MAP2: variants seen among roughly 807,000 people sequenced by gnomAD.
The protein encoded by MAP2 is microtubule associated protein 2.
Under a neutral mutation model 137.6 loss-of-function variants are expected in MAP2, and 14 were observed. The observed-to-expected ratio is 0.10, with a 90% CI of 0.07 to 0.16. The LOEUF is 0.16. Among genes scored for constraint, MAP2 ranks in the 10% least tolerant of loss-of-function variants. The probability of loss-of-function intolerance (pLI) is 1.00; values close to 1 mark genes in which losing one functional copy is unlikely to be tolerated. For missense variants in MAP2, 2,088 were observed against 2,191.5 expected (o/e 0.95, Z 0.94); for synonymous variants, 786 against 782.3 (o/e 1.00, Z -0.08).
At chr2:209,594,021 G>A (rs1043343799) in intron 3 of MAP2, among the ~76,000 whole-genome samples, 34 of 139,958 alleles carry the variant, frequency 2.4e-4, no homozygotes, top group African/African-American at 8.7e-4. Context: ...GGTGGCTTTC[G>A]CCTGTAGTCC....
chr2:209,451,907 A>G (rs957877777), intron 1 of MAP2, among the ~76,000 whole-genome samples: 1 of 152,228 alleles, frequency 6.6e-6, no homozygotes, highest in Non-Finnish European at 1.5e-5. Context: ...AATAGTCACC[A>G]GTTACCCTTG....
At chr2:209,715,761 C>T (rs1206988165) in intron 13 of MAP2, among the ~76,000 whole-genome samples, 1 of 152,166 alleles carries the variant, frequency 6.6e-6, no homozygotes, top group Non-Finnish European at 1.5e-5. Flanking sequence ...AGAAGCAGGC[C>T]TAACATGTTC....
chr2:209,435,981 CAGTATATATT>C (rs1559159358), intron 1 of MAP2, among the ~76,000 whole-genome samples: 1 of 103,234 alleles, frequency 9.7e-6, no homozygotes, highest in Non-Finnish European at 1.7e-5. Flanking sequence ...ATAATATATA[CAGTATATATT>C]ATATACTATA....
At chr2:209,586,345 G>A (rs769925336) in intron 3 of MAP2, among the ~76,000 whole-genome samples, 66 of 152,024 alleles carry the variant, frequency 4.3e-4, no homozygotes, top group Admixed American at 5.3e-4. Context: ...ATTTGGGCTT[G>A]GCATGCAAAA....
intron 1 of MAP2, among the ~76,000 whole-genome samples, chr2:209,480,976 C>T (rs1708604853): frequency 6.6e-6 from 1 of 152,160 alleles, no homozygotes; most frequent in Admixed American, 6.5e-5. Flanking sequence ...AAGGCTCTTA[C>T]TCCATGGTGA....
chr2:209,579,248 A>G (rs1211232370), intron 2 of MAP2: 2 of 143,244 alleles, frequency 1.4e-5, no homozygotes, highest in Non-Finnish European at 3.0e-5. Context: ...CTGTTTCTCT[A>G]TTTAAGCGGT....
chr2:209,622,331 C>T (rs1011820630), intron 3 of MAP2, among the ~76,000 whole-genome samples: 3 of 152,142 alleles, frequency 2.0e-5, no homozygotes, highest in Non-Finnish European at 2.9e-5. Context: ...TTGTCTCTAG[C>T]CAGAGTTGAA....
intron 12 of MAP2, among the ~76,000 whole-genome samples, chr2:209,707,292 G>A (rs751768175): frequency 4.6e-5 from 7 of 152,068 alleles, no homozygotes; most frequent in Non-Finnish European, 1.0e-4. Context: ...ATGTTTACAG[G>A]CATTTTGCAT....
chr2:209,634,195 A>C (rs939596257), intron 4 of MAP2, among the ~76,000 whole-genome samples: 5 of 152,180 alleles, frequency 3.3e-5, no homozygotes, highest in African/African-American at 1.2e-4. Context: ...TTTGCTGTGC[A>C]GGCAATAAAC....
Position 209,466,564 on chromosome 2 carries a change from A to G in MAP2, c.-221-41028A>G, listed in dbSNP as rs141373181. On this transcript the variant is annotated intron_variant, in intron 1 of 15. Transcript: ENST00000682079. ...ATCAAGTACTTTACATAATCATATC[A>G]TGGCAATAATACCTACCCATTTTTC... is the stretch of plus-strand genomic sequence containing the variant. 3.7e-3 allele frequency among the ~76,000 whole-genome samples: 567 copies of G among 152,308 alleles called. 3 individuals carry two copies. The highest frequency in any genetic ancestry group is 0.013 in the African/African-American group (528 of 41,554).
intron 13 of MAP2, among the ~76,000 whole-genome samples, chr2:209,716,061 G>A (rs868450087): frequency 7.2e-4 from 110 of 152,030 alleles, no homozygotes; most frequent in Admixed American, 2.1e-3. Flanking sequence ...TGATATTGTC[G>A]CAATTGTTAT....
At chr2:209,625,934 G>T (rs1203692352) in intron 4 of MAP2, among the ~76,000 whole-genome samples, 2 of 151,752 alleles carry the variant, frequency 1.3e-5, no homozygotes, top group Non-Finnish European at 2.9e-5. Context: ...TATGATAAAA[G>T]CATAATAAAA....
intron 4 of MAP2, among the ~76,000 whole-genome samples, chr2:209,644,322 G>A (rs1381675975): frequency 1.3e-5 from 2 of 152,054 alleles, no homozygotes; most frequent in Non-Finnish European, 2.9e-5. Context: ...ATTTAGAAAT[G>A]TTTTTACTAG....
chr2:209,722,614 A>G (rs778175575), intron 13 of MAP2, among the ~76,000 whole-genome samples: 4 of 152,168 alleles, frequency 2.6e-5, no homozygotes, highest in Non-Finnish European at 4.4e-5. Context: ...AACACAAATA[A>G]AGCTTTCTTT....
chr2:209,732,765 A>G lies in MAP2; in HGVS notation c.*2368A>G, dbSNP rs1344358251. The stretch of plus-strand genomic sequence containing the variant: ...CAGTTTATTACAAATACATGTCAAA[A>G]ATAAAGATTATACAAGGCACCAAAC... On this transcript the variant is annotated 3_prime_UTR_variant, in exon 16 of 16. Coordinates refer to ENST00000682079, the MANE Select transcript of MAP2 (RefSeq NM_001375505.1). The G allele has an allele frequency of 6.6e-6, 1 of 152,650 alleles. No individual in the cohort carries two copies. The highest frequency in any genetic ancestry group is 6.5e-5 in the Admixed American group (1 of 15,282). 9.5% of individuals were successfully genotyped at this position (152,650 alleles called of 1,614,324 possible).
At chr2:209,622,234 GTACT>G (rs2091371599) in intron 3 of MAP2, among the ~76,000 whole-genome samples, 2 of 152,190 alleles carry the variant, frequency 1.3e-5, no homozygotes, top group South Asian at 4.1e-4. Flanking sequence ...AGTAAAAAAA[GTACT>G]TTGTAGGTAA....
chr2:209,495,740 G>A (rs1183814958), intron 1 of MAP2, among the ~76,000 whole-genome samples: 2 of 152,206 alleles, frequency 1.3e-5, no homozygotes, highest in Non-Finnish European at 2.9e-5. Context: ...GACAAACTTT[G>A]TAGAATGATT....
intron 5 of MAP2, among the ~76,000 whole-genome samples, chr2:209,674,937 C>T (rs1161750847): frequency 6.6e-6 from 1 of 151,768 alleles, no homozygotes; most frequent in African/African-American, 2.4e-5. Context: ...CTCTTCCTTC[C>T]TTAAGAATGC....
intron 2 of MAP2, among the ~76,000 whole-genome samples, chr2:209,535,193 T>C (rs1441383249): frequency 6.6e-6 from 1 of 152,168 alleles, no homozygotes; most frequent in African/African-American, 2.4e-5. Flanking sequence ...TATGTGAACA[T>C]TGGTGACTGG....
Sources: gnomAD v4.1 joint callset for allele counts (sites outside exome capture counted in the v4.1 genomes callset) on GRCh38, gnomAD v4.1.1 for gene constraint, MANE v1.5 for transcripts, NCBI Gene and HGNC (gene_info 2026-07-23, HGNC 2026-07-21) for gene names.